The following FSTL4 variants were observed in gnomAD, a reference collection of about 807,000 sequenced individuals.
The protein encoded by FSTL4 is follistatin-related protein 4.
A neutral mutation model predicts 78.2 loss-of-function variants in FSTL4; 28 were observed. The ratio of observed to expected loss-of-function variants is 0.36; its 90% confidence interval spans 0.27 to 0.49. The LOEUF (loss-of-function observed/expected upper bound fraction) is 0.49. Among genes scored for constraint, FSTL4 ranks in the 20% least tolerant of loss-of-function variants. The pLI is 0.98. For synonymous variants in FSTL4, 422 were observed against 440.5 expected, an observed-to-expected ratio of 0.96 and a Z score of 0.53; for missense variants, 922 against 1,084.9, an observed-to-expected ratio of 0.85 and a Z score of 2.11.
the FSTL4 span, among the ~76,000 whole-genome samples, chr5:133,788,305 T>C: frequency 6.6e-6 from 1 of 152,198 alleles, no homozygotes. Flanking sequence ...TTCGCTTCGG[T>C]TTCCGTGGCT....
chr5:133,838,350 A>G, the FSTL4 span, among the ~76,000 whole-genome samples: 1 of 152,228 alleles, frequency 6.6e-6, no homozygotes, highest in South Asian at 2.1e-4. Context: ...GGCTTAAAAC[A>G]AAGTCAATCA....
chr5:133,709,800 C>A, the FSTL4 span, among the ~76,000 whole-genome samples: 1 of 152,324 alleles, frequency 6.6e-6, no homozygotes, highest in East Asian at 1.9e-4. Flanking sequence ...CCAGCCAGTT[C>A]TAAAGGAGCT....
chr5:133,417,585 A>T (rs889376647), intron 3 of FSTL4, among the ~76,000 whole-genome samples: 5 of 152,234 alleles, frequency 3.3e-5, no homozygotes, highest in African/African-American at 1.2e-4. Context: ...TTATCTAACA[A>T]CTGAAAACCA....
intron 2 of FSTL4, among the ~76,000 whole-genome samples, chr5:133,580,093 C>T (rs1416798411): frequency 2.0e-5 from 3 of 152,158 alleles, no homozygotes; most frequent in African/African-American, 7.2e-5. Context: ...CCAAGACTTC[C>T]AACCAGAAAC....
intron 4 of FSTL4, among the ~76,000 whole-genome samples, chr5:133,344,040 C>A (rs1216373242): frequency 2.6e-5 from 4 of 152,072 alleles, no homozygotes; most frequent in African/African-American, 9.7e-5. Context: ...AAATTGCAAT[C>A]TTTGAAGAAT....
the FSTL4 span, among the ~76,000 whole-genome samples, chr5:133,667,693 A>G: frequency 6.6e-6 from 1 of 152,044 alleles, no homozygotes; most frequent in East Asian, 1.9e-4. Flanking sequence ...GACTACTTAC[A>G]GTGGCAACAT....
chr5:133,363,831 C>G (rs1755121432), intron 4 of FSTL4, among the ~76,000 whole-genome samples: 1 of 152,278 alleles, frequency 6.6e-6, no homozygotes. Context: ...CCTGCCCACC[C>G]CTGTCTTTCC....
chr5:133,748,646 C>A, the FSTL4 span, among the ~76,000 whole-genome samples: 2 of 152,328 alleles, frequency 1.3e-5, no homozygotes, highest in Middle Eastern at 3.4e-3. Flanking sequence ...CTCCCCACAA[C>A]CTGCTCAGGG....
At chr5:133,677,603 T>C in the FSTL4 span, among the ~76,000 whole-genome samples, 5 of 152,174 alleles carry the variant, frequency 3.3e-5, no homozygotes, top group Admixed American at 6.5e-5. Context: ...AAATAGTCTC[T>C]CCAAGCTTTA....
intron 4 of FSTL4, chr5:133,388,024 C>T (rs1406114467): frequency 1.3e-5 from 2 of 152,182 alleles, no homozygotes; most frequent in South Asian, 2.1e-4. Flanking sequence ...TTTAACATAC[C>T]GAGTCAAGGA....
chr5:133,245,349 G>A (rs561708590), intron 7 of FSTL4, among the ~76,000 whole-genome samples: 1 of 152,290 alleles, frequency 6.6e-6, no homozygotes, highest in Non-Finnish European at 1.5e-5. Context: ...TTTAATCTTA[G>A]GCTGGAAAAG....
At chr5:133,490,716 G>C (rs771760993) in intron 3 of FSTL4, among the ~76,000 whole-genome samples, 3 of 152,078 alleles carry the variant, frequency 2.0e-5, no homozygotes, top group Non-Finnish European at 4.4e-5. Flanking sequence ...TTATGATTTT[G>C]GTGCAAATTA....
chr5:133,780,002 C>T, the FSTL4 span, among the ~76,000 whole-genome samples: 1 of 152,144 alleles, frequency 6.6e-6, no homozygotes, highest in Middle Eastern at 3.2e-3. Flanking sequence ...GTCTGTGACC[C>T]AATACCTCTG....
chr5:133,705,869 G>GCACACACACACA, the FSTL4 span, among the ~76,000 whole-genome samples: 7 of 147,894 alleles, frequency 4.7e-5, no homozygotes, highest in South Asian at 2.2e-4. Context: ...ACACACACAC[G>GCACACACACACA]CACACACACA....
At chr5:133,507,502 AAAC>A in intron 3 of FSTL4, among the ~76,000 whole-genome samples, 1 of 151,414 alleles carries the variant, frequency 6.6e-6, no homozygotes, top group Non-Finnish European at 1.5e-5. Flanking sequence ...CTACAGATTC[AAAC>A]AACGGAGACT....
At chr5:133,436,493 GGATCCTGCTGA>G (rs1345443682) in intron 3 of FSTL4, among the ~76,000 whole-genome samples, 1 of 152,124 alleles carries the variant, frequency 6.6e-6, no homozygotes, top group African/African-American at 2.4e-5. Flanking sequence ...AGGATCTTTT[GGATCCTGCTGA>G]GAATTTGAGC....
At chr5:133,640,555 A>T in the FSTL4 span, among the ~76,000 whole-genome samples, 5 of 152,198 alleles carry the variant, frequency 3.3e-5, no homozygotes, top group African/African-American at 4.8e-5. Context: ...AAGGAGCAGG[A>T]TGTTAACATC....
intron 5 of FSTL4, among the ~76,000 whole-genome samples, chr5:133,313,124 A>C (rs1429813834): frequency 6.6e-6 from 1 of 152,190 alleles, no homozygotes; most frequent in Non-Finnish European, 1.5e-5. Flanking sequence ...ATGGGGAGAC[A>C]GGAGAGAAAA....
chr5:133,379,654 G>C (rs558883078), intron 4 of FSTL4, among the ~76,000 whole-genome samples: 1 of 152,112 alleles, frequency 6.6e-6, no homozygotes, highest in Non-Finnish European at 1.5e-5. Context: ...TAACCAATGG[G>C]TCAAATAAGA....
Sources: allele counts gnomAD v4.1 joint callset (sites outside exome capture counted in the v4.1 genomes callset), GRCh38; gene constraint gnomAD v4.1.1; transcripts MANE v1.5; gene names NCBI Gene and HGNC (gene_info 2026-07-23, HGNC 2026-07-21).